ZMYM4: variants seen among roughly 807,000 people sequenced by gnomAD.
ZMYM4 encodes zinc finger MYM-type protein 4.
A neutral mutation model predicts 183.2 loss-of-function variants in ZMYM4; 31 were observed. That is an observed-to-expected ratio of 0.17 (90% CI 0.13 to 0.23). The LOEUF is 0.23. Ranked by LOEUF, ZMYM4 falls within the 10% of genes least tolerant of loss-of-function variation. ZMYM4 has a pLI of 1.00. For synonymous variants in ZMYM4, 592 were observed against 631.2 expected (o/e 0.94, Z 0.93); for missense variants, 1,273 against 1,840.3 (o/e 0.69, Z 5.64).
chr1:35,342,406 C>G (rs1643234038), intron 2 of ZMYM4, among the ~76,000 whole-genome samples: 1 of 152,124 alleles, frequency 6.6e-6, no homozygotes, highest in African/African-American at 2.4e-5. Flanking sequence ...AGCAATCCTC[C>G]TGCCTTGGCC....
At chr1:35,358,582 TA>T (rs1643879413) in intron 2 of ZMYM4, among the ~76,000 whole-genome samples, 1 of 152,132 alleles carries the variant, frequency 6.6e-6, no homozygotes, top group Non-Finnish European at 1.5e-5. Flanking sequence ...GTTGTATAGA[TA>T]GACTCTGAGA....
intron 25 of ZMYM4, among the ~76,000 whole-genome samples, 196 bp downstream of exon 25, chr1:35,405,664 A>G (rs1240988721): frequency 6.6e-6 from 1 of 152,154 alleles, no homozygotes; most frequent in Non-Finnish European, 1.5e-5. Context: ...TTATGCAAAT[A>G]TACAGAATTT....
chr1:35,400,732 A>C (rs1055434786), intron 23 of ZMYM4, among the ~76,000 whole-genome samples: 4 of 152,334 alleles, frequency 2.6e-5, no homozygotes, highest in African/African-American at 9.6e-5. Context: ...AATTCCACTT[A>C]GCAAGAAGTT....
intron 26 of ZMYM4, among the ~76,000 whole-genome samples, chr1:35,412,449 A>G (rs1057509874): frequency 2.0e-5 from 3 of 152,138 alleles, no homozygotes; most frequent in Non-Finnish European, 4.4e-5. Context: ...GTTGACGAAG[A>G]ATGGCAAGGA....
chr1:35,360,912 A>G (rs1643920700), intron 3 of ZMYM4, among the ~76,000 whole-genome samples: 1 of 151,710 alleles, frequency 6.6e-6, no homozygotes, highest in Non-Finnish European at 1.5e-5. Context: ...ATGGGGGAGA[A>G]CAAATGCAAG....
At chr1:35,326,883 G>A (rs919666034) in intron 2 of ZMYM4, among the ~76,000 whole-genome samples, 1 of 151,976 alleles carries the variant, frequency 6.6e-6, no homozygotes, top group Non-Finnish European at 1.5e-5. Flanking sequence ...TTTTTGAGAT[G>A]GAGCCTTGCT....
At chr1:35,392,114 C>A (rs1644718840) in intron 15 of ZMYM4, 98 bp from the exon 16 acceptor site, 2 of 1,512,872 alleles carry the variant, frequency 1.3e-6, no homozygotes, top group Admixed American at 1.8e-5. Flanking sequence ...ACAGAAATTA[C>A]TCAAACCTGA....
intron 2 of ZMYM4, chr1:35,350,722 A>T: frequency 2.4e-6 from 1 of 414,516 alleles, no homozygotes; most frequent in South Asian, 2.4e-5. Flanking sequence ...CTTCTGCAGG[A>T]TGGGGTTTGT....
chr1:35,315,077 C>CT lies in ZMYM4; in HGVS notation c.40-10269dup, dbSNP rs61264993. Among the ~76,000 whole-genome samples the CT allele has an allele frequency of 7.0e-5, 10 of 142,424 alleles. No individual in the cohort carries two copies. The East Asian group carries it at 1.0e-3, about 14-fold the overall frequency. The allele number at this position is 142,424 out of a possible 152,430, so 93.4% of individuals were successfully genotyped here. The stretch of plus-strand genomic sequence containing the variant: ...ACAAAAGTAATTTTAAGGTGATGGC[C>CT]TTTTTTTTTTTTTTAAAGCTATTTT... On this transcript the variant is annotated intron_variant, in intron 1 of 29. Coordinates refer to ENST00000314607, the MANE Select transcript of ZMYM4 (RefSeq NM_005095.3).
intron 7 of ZMYM4, among the ~76,000 whole-genome samples, chr1:35,380,114 G>C (rs1489428596): frequency 6.6e-6 from 1 of 152,146 alleles, no homozygotes; most frequent in African/African-American, 2.4e-5. Flanking sequence ...AAAAAGTGCA[G>C]TATCTGTGAA....
chr1:35,298,096 C>A lies in ZMYM4; in HGVS notation c.40-27264C>A, dbSNP rs146170788. On this transcript the variant is annotated intron_variant, in intron 1 of 29. Transcript: ENST00000314607. ...TGGATGATGGCCAGCCCACCAGCTT[C>A]AAGGCTGAGATTCAGATCTTGTTGG... Among the ~76,000 whole-genome samples, 270 of 152,314 alleles carry A rather than the reference C, an allele frequency of 1.8e-3. 1 individual carries two copies. The highest frequency in any genetic ancestry group is 2.0e-3 in the Non-Finnish European group (137 of 68,042).
chr1:35,371,100 TGTGTGTGCGC>T (rs1470283457), intron 7 of ZMYM4, among the ~76,000 whole-genome samples: 3 of 130,312 alleles, frequency 2.3e-5, no homozygotes, highest in Admixed American at 7.5e-5. Context: ...TGTGTGTGTG[TGTGTGTGCGC>T]ACATTTATTT....
At chr1:35,283,719 C>G (rs1290525465) in intron 1 of ZMYM4, among the ~76,000 whole-genome samples, 4 of 151,806 alleles carry the variant, frequency 2.6e-5, no homozygotes, top group Non-Finnish European at 5.9e-5. Flanking sequence ...TGTTTATTGG[C>G]CTTTTGTATA....
chr1:35,388,197 T>G (rs1160432790), intron 13 of ZMYM4, among the ~76,000 whole-genome samples: 1 of 152,146 alleles, frequency 6.6e-6, no homozygotes, highest in African/African-American at 2.4e-5. Context: ...AAATAAAAGT[T>G]TTTTTTGTTT....
In ZMYM4 at chr1:35,398,765, A is replaced by G. The variant is rs111714953; in HGVS notation, c.3254-99A>G. Reference sequence around the variant, plus strand: ...ACCTAGGTAATTGTCCATCAACCGTATCTCATTTTTTGGTATTTAGGGGTT... The same window carrying G: ...ACCTAGGTAATTGTCCATCAACCGTGTCTCATTTTTTGGTATTTAGGGGTT... On this transcript the variant is annotated intron_variant, in intron 21 of 29. Transcript: ENST00000314607. The G allele has an allele frequency of 5.7e-5, 69 of 1,207,916 alleles. 3 individuals are homozygous for G. Among genetic ancestry groups the G allele is most frequent in the African/African-American group, 4.3e-4 (28 of 65,468 alleles). The allele number at this position is 1,207,916 out of a possible 1,614,324, so 74.8% of individuals were successfully genotyped here. A position where few individuals can be genotyped will look rare whatever the true frequency, so the allele number is the denominator to read the frequency against.
intron 5 of ZMYM4, among the ~76,000 whole-genome samples, chr1:35,369,451 A>G (rs1644157715): frequency 6.6e-6 from 1 of 152,174 alleles, no homozygotes; most frequent in Non-Finnish European, 1.5e-5. Flanking sequence ...ACACTGGTAT[A>G]TTTAGCCATT....
chr1:35,382,745 G>A (rs116723802), intron 9 of ZMYM4, among the ~76,000 whole-genome samples: 1,787 of 152,034 alleles, frequency 0.012, 45 homozygotes, highest in African/African-American at 0.041. Context: ...CACCACGCCC[G>A]GCCAGTATGG....
chr1:35,394,589 T>G (rs938392447), intron 18 of ZMYM4, among the ~76,000 whole-genome samples: 5 of 152,266 alleles, frequency 3.3e-5, no homozygotes, highest in African/African-American at 7.2e-5. Flanking sequence ...TCTGTCAAGC[T>G]GAGCTGAATT....
intron 2 of ZMYM4, among the ~76,000 whole-genome samples, chr1:35,328,056 T>C (rs912988641): frequency 1.8e-4 from 27 of 152,206 alleles, no homozygotes; most frequent in African/African-American, 6.3e-4. Flanking sequence ...AAATGAATCA[T>C]ATAGCTTTCT....
Sources: allele counts gnomAD v4.1 joint callset (sites outside exome capture counted in the v4.1 genomes callset), GRCh38; gene constraint gnomAD v4.1.1; transcripts MANE v1.5; gene names NCBI Gene and HGNC (gene_info 2026-07-23, HGNC 2026-07-21).